Variants in GAREM1 observed in about 807,000 individuals in gnomAD.
GAREM1 encodes GRB2 associated regulator of MAPK1 subtype 1.
A neutral mutation model predicts 71.3 loss-of-function variants in GAREM1; 26 were observed. The ratio of observed to expected loss-of-function variants is 0.36; its 90% CI spans 0.27 to 0.51. GAREM1 has a LOEUF of 0.51. Ranked by LOEUF, GAREM1 falls within the 20% of genes least tolerant of loss-of-function variation. GAREM1 has a pLI of 0.95. For synonymous variants in GAREM1, 440 were observed against 433.2 expected, an observed-to-expected ratio of 1.02 and a Z score of -0.20; for missense variants, 1,026 against 1,103.1, an observed-to-expected ratio of 0.93 and a Z score of 0.99.
intron 1 of GAREM1, among the ~76,000 whole-genome samples, chr18:32,421,678 T>C (rs934087060): frequency 6.6e-6 from 1 of 152,196 alleles, no homozygotes; most frequent in African/African-American, 2.4e-5. Flanking sequence ...ATGTTTTTTT[T>C]CTCACGCTTA....
At chr18:32,392,761 A>G (rs3786310) in intron 2 of GAREM1, 134 bp downstream of exon 2, 99,714 of 903,690 alleles carry the variant, frequency 0.11, 6,154 homozygotes, top group African/African-American at 0.21. Context: ...TTCACTGATC[A>G]ATAACCACAC....
intron 2 of GAREM1, among the ~76,000 whole-genome samples, chr18:32,384,175 G>T (rs1288487648): frequency 1.3e-5 from 2 of 152,150 alleles, no homozygotes; most frequent in Non-Finnish European, 2.9e-5. Context: ...ACCAGCCACA[G>T]CTGGGAGCAA....
intron 4 of GAREM1, among the ~76,000 whole-genome samples, chr18:32,274,834 TG>T (rs1282826430): frequency 6.6e-6 from 1 of 152,116 alleles, no homozygotes; most frequent in Non-Finnish European, 1.5e-5. Flanking sequence ...ATGTAGGGAC[TG>T]CCATTTTAGC....
At chr18:32,367,786 G>T in intron 2 of GAREM1, among the ~76,000 whole-genome samples, 1 of 152,096 alleles carries the variant, frequency 6.6e-6, no homozygotes, top group Non-Finnish European at 1.5e-5. Context: ...ATAAGGAGGA[G>T]AAGCCAAGCA....
Position 32,267,769 on chromosome 18 carries a change from A to G in GAREM1, c.*102T>C, listed in dbSNP as rs1268008254. ...AAGAGTTTCTCTTATCCCTATTTAC[A>G]GAGAAGGTTTTTAGTGCAAAAACAT... is the stretch of plus-strand genomic sequence containing the variant. On this transcript the variant is annotated 3_prime_UTR_variant, in exon 6 of 6. Coordinates refer to ENST00000269209, the MANE Select transcript of GAREM1 (RefSeq NM_001242409.2). 1.1e-6 allele frequency: 1 copy of G among 884,206 alleles called. No homozygotes were observed. Among genetic ancestry groups the G allele is most frequent in the Non-Finnish European group, 1.7e-6 (1 of 577,346 alleles). The allele number at this position is 884,206 out of a possible 1,614,324, so 54.8% of individuals were successfully genotyped here. A position where few individuals can be genotyped will look rare whatever the true frequency, so the allele number is the denominator to read the frequency against.
intron 1 of GAREM1, among the ~76,000 whole-genome samples, chr18:32,466,298 TAAAG>T (rs35006898): frequency 0.17 from 25,744 of 151,938 alleles, 2,312 homozygotes; most frequent in Admixed American, 0.23. Context: ...TTTAAAGAGA[TAAAG>T]AAAAGGTGTA....
intron 5 of GAREM1, 81 bp downstream of exon 5, chr18:32,270,136 T>C: frequency 7.2e-7 from 1 of 1,393,568 alleles, no homozygotes; most frequent in Non-Finnish European, 1.0e-6. Context: ...CTGTTAGGGC[T>C]ACCGTGAAAA....
chr18:32,463,794 C>T (rs1327088005), intron 1 of GAREM1, among the ~76,000 whole-genome samples: 1 of 151,804 alleles, frequency 6.6e-6, no homozygotes, highest in Admixed American at 6.6e-5. Context: ...TGATCTTGAT[C>T]TCCTGACCTC....
intron 1 of GAREM1, among the ~76,000 whole-genome samples, chr18:32,461,474 T>G (rs2048953464): frequency 1.3e-5 from 2 of 152,160 alleles, no homozygotes; most frequent in East Asian, 3.9e-4. Flanking sequence ...AGCAGGCAAA[T>G]GGCTCTATCT....
intron 5 of GAREM1, 97 bp from the exon 6 acceptor site, chr18:32,268,865 G>T: frequency 2.0e-6 from 2 of 1,009,958 alleles, no homozygotes; most frequent in Non-Finnish European, 2.9e-6. Flanking sequence ...GTAGAAAAGC[G>T]CAGTTAGTTT....
rs1230487692 is a variant in GAREM1, at chr18:32,267,122, C to A, written c.*749G>T. On this transcript the variant is annotated 3_prime_UTR_variant, in exon 6 of 6. Transcript: ENST00000269209. ...TTGTTTAAAAGTGAACAGATGTTATCTAAAATATCAGAATCAAAATTATGT... is the reference window on the plus strand; with the variant it reads ...TTGTTTAAAAGTGAACAGATGTTATATAAAATATCAGAATCAAAATTATGT... The A allele has an allele frequency of 6.6e-6, 1 of 152,132 alleles. No individual in the cohort carries two copies. The highest frequency in any genetic ancestry group is 2.4e-5 in the African/African-American group (1 of 41,448). 9.4% of individuals were successfully genotyped at this position (152,132 alleles called of 1,614,324 possible). A position where few individuals can be genotyped will look rare whatever the true frequency, so the allele number is the denominator to read the frequency against.
At chr18:32,430,772 T>C (rs1214401055) in intron 1 of GAREM1, among the ~76,000 whole-genome samples, 1 of 152,204 alleles carries the variant, frequency 6.6e-6, no homozygotes, top group East Asian at 1.9e-4. Flanking sequence ...CCTCTCTGAC[T>C]AGAGAAACTG....
chr18:32,374,011 T>G (rs181904406), intron 2 of GAREM1, among the ~76,000 whole-genome samples: 70 of 152,332 alleles, frequency 4.6e-4, no homozygotes, highest in Admixed American at 8.5e-4. Flanking sequence ...AAATCTGATG[T>G]GTGATTCAGC....
At chr18:32,298,473 C>T (rs2047165150) in intron 3 of GAREM1, among the ~76,000 whole-genome samples, 2 of 152,020 alleles carry the variant, frequency 1.3e-5, no homozygotes, top group South Asian at 4.1e-4. Flanking sequence ...TTAACATTTC[C>T]AGTTTCAATG....
intron 1 of GAREM1, among the ~76,000 whole-genome samples, chr18:32,435,028 T>A (rs530145599): frequency 3.8e-4 from 58 of 152,086 alleles, no homozygotes; most frequent in African/African-American, 1.3e-3. Context: ...TCTCTGCATG[T>A]TTTCCCTCTC....
intron 2 of GAREM1, among the ~76,000 whole-genome samples, chr18:32,361,417 A>G (rs1165778963): frequency 1.3e-5 from 2 of 152,238 alleles, no homozygotes; most frequent in African/African-American, 4.8e-5. Flanking sequence ...TTAAATGAAA[A>G]TATTTTTGGA....
intron 1 of GAREM1, chr18:32,413,036 T>C (rs2048435440): frequency 6.3e-6 from 10 of 1,599,832 alleles, no homozygotes; most frequent in Non-Finnish European, 8.5e-6. Flanking sequence ...TGTTTGGATC[T>C]CTCATTACCA....
intron 1 of GAREM1, among the ~76,000 whole-genome samples, chr18:32,429,575 C>T (rs1430498546): frequency 6.6e-6 from 1 of 152,192 alleles, no homozygotes; most frequent in Non-Finnish European, 1.5e-5. Context: ...TATTTTTGAA[C>T]TCCACAACAC....
At chr18:32,347,397 G>A (rs111334322) in intron 2 of GAREM1, among the ~76,000 whole-genome samples, 116 of 152,178 alleles carry the variant, frequency 7.6e-4, no homozygotes, top group African/African-American at 2.6e-3. Context: ...CTAGTCTATG[G>A]AAAGCACTGC....
Sources: allele counts gnomAD v4.1 joint callset (sites outside exome capture counted in the v4.1 genomes callset), GRCh38; gene constraint gnomAD v4.1.1; transcripts MANE v1.5; gene names NCBI Gene and HGNC (gene_info 2026-07-23, HGNC 2026-07-21).